Variants in ACOT11 observed in about 807,000 individuals in gnomAD.
ACOT11 encodes acyl-CoA thioesterase 11, also known as acyl-coenzyme A thioesterase 11.
Under a neutral mutation model 77.5 loss-of-function variants are expected in ACOT11, and 69 were observed. The observed-to-expected ratio is 0.89, with a 90% CI of 0.73 to 1.09. ACOT11 has a LOEUF of 1.09. Among genes scored for constraint, ACOT11 ranks in the 50% least tolerant of loss-of-function variants. The probability of loss-of-function intolerance (pLI) is 0.00; values close to 1 mark genes in which losing one functional copy is unlikely to be tolerated. For synonymous variants in ACOT11, 279 were observed against 313.0 expected (o/e 0.89, Z 1.15); for missense variants, 766 against 813.7 (o/e 0.94, Z 0.71).
At chr1:54,588,090 G>C (rs1407203908) in intron 3 of ACOT11, among the ~76,000 whole-genome samples, 1 of 152,006 alleles carries the variant, frequency 6.6e-6, no homozygotes, top group Non-Finnish European at 1.5e-5. Context: ...TGTGGTCCCA[G>C]CTACTTGGGA....
intron 8 of ACOT11, 72 bp from the exon 9 acceptor site, chr1:54,601,197 G>A (rs1643959029): frequency 6.5e-7 from 1 of 1,549,464 alleles, no homozygotes; most frequent in Non-Finnish European, 8.7e-7. Context: ...GTGTGTGAGT[G>A]TGTGTGTTGG....
chr1:54,553,328 C>T (rs1653139039), intron 1 of ACOT11, among the ~76,000 whole-genome samples: 1 of 151,272 alleles, frequency 6.6e-6, no homozygotes, highest in Non-Finnish European at 1.5e-5. Context: ...CCAGCCTGAC[C>T]AACATGGAGA....
intron 1 of ACOT11, among the ~76,000 whole-genome samples, chr1:54,562,084 C>CG (rs1419363689): frequency 2.0e-5 from 1 of 49,086 alleles, no homozygotes; most frequent in African/African-American, 1.5e-4. Flanking sequence ...GCTGGCCGGG[C>CG]GGGGGGCTGA....
intron 8 of ACOT11, 30 bp from the exon 9 acceptor site, chr1:54,601,239 C>T: frequency 6.2e-7 from 1 of 1,600,398 alleles, no homozygotes; most frequent in Non-Finnish European, 8.5e-7. Context: ...AAGGTCTGTC[C>T]AGGTTGGAAG....
Position 54,608,072 on chromosome 1 carries a change from A to G in ACOT11, c.1629+4A>G, listed in dbSNP as rs1169498028. 1 of 1,607,884 alleles carries G rather than the reference A, an allele frequency of 6.2e-7. No individual in the cohort carries two copies. The highest frequency in any genetic ancestry group is 8.5e-7 in the Non-Finnish European group (1 of 1,177,580). ...CGAGGGGGACCAGCTGACCAAGGTG[A>G]GGCCGGTCCCCCCAACCACGCCCCC... On this transcript the variant is annotated splice_donor_region_variant and intron_variant, in intron 15 of 15. Transcript: ENST00000343744.
intron 3 of ACOT11, among the ~76,000 whole-genome samples, chr1:54,588,669 C>G (rs1654591374): frequency 6.6e-6 from 1 of 152,148 alleles, no homozygotes; most frequent in Non-Finnish European, 1.5e-5. Context: ...TACTTTGAAG[C>G]CAGTGGAGCT....
chr1:54,634,782 AC>A (rs914161505), exon 17 of ACOT11: 5 of 697,778 alleles, frequency 7.2e-6, no homozygotes, highest in Non-Finnish European at 1.3e-5. Context: ...GATCCAGAGG[AC>A]CCCCTGGTTG....
intron 1 of ACOT11, among the ~76,000 whole-genome samples, chr1:54,568,746 A>T (rs1342362919): frequency 6.6e-6 from 1 of 151,712 alleles, no homozygotes; most frequent in Admixed American, 6.6e-5. Flanking sequence ...TTTATTTTTT[A>T]TTTTTATTTT....
chr1:54,580,256 A>G (rs1299237585), intron 1 of ACOT11, among the ~76,000 whole-genome samples: 2 of 152,168 alleles, frequency 1.3e-5, no homozygotes, highest in Non-Finnish European at 2.9e-5. Context: ...TCCAGAGGTC[A>G]CCCAGGCGTG....
chr1:54,611,302 G>A (rs906500215), downstream of ACOT11, among the ~76,000 whole-genome samples: 1 of 152,250 alleles, frequency 6.6e-6, no homozygotes, highest in South Asian at 2.1e-4. Flanking sequence ...GGGCATGGTG[G>A]CGCAGGAGAA....
At chr1:54,627,567 G>A (rs1381318234) in intron 15 of ACOT11, among the ~76,000 whole-genome samples, 1 of 135,450 alleles carries the variant, frequency 7.4e-6, no homozygotes, top group Non-Finnish European at 1.7e-5. Context: ...AGAAAGCAGG[G>A]GCTGTCAGGG....
At chr1:54,637,128 G>C in exon 17 of ACOT11, 1 of 152,110 alleles carries the variant, frequency 6.6e-6, no homozygotes, top group East Asian at 1.9e-4. Flanking sequence ...ATCTCTGTTG[G>C]GGGCTCTCAG....
rs1399369505 is a variant in ACOT11 at position 54,627,622 on chromosome 1, C to T, written c.1630-3112C>T. 3.7e-5 allele frequency among the ~76,000 whole-genome samples: 5 copies of T among 134,968 alleles called. 2 individuals are homozygous for T. The highest frequency in any genetic ancestry group is 5.0e-5 in the Non-Finnish European group (3 of 59,550). 88.5% of individuals were successfully genotyped at this position (134,968 alleles called of 152,430 possible). A position where few individuals can be genotyped will look rare whatever the true frequency, so the allele number is the denominator to read the frequency against. ...TGAAACAGCCATTTTATTAATAGAG[C>T]TGGTGCACATCAAAAACACAGAGCA... is the stretch of plus-strand genomic sequence containing the variant. On this transcript the variant is annotated intron_variant, in intron 15 of 16. Coordinates refer to the ACOT11 transcript ENST00000371316.
intron 1 of ACOT11, among the ~76,000 whole-genome samples, chr1:54,578,604 T>C (rs1654194673): frequency 6.6e-6 from 1 of 152,216 alleles, no homozygotes; most frequent in Non-Finnish European, 1.5e-5. Context: ...CTGGGATGCT[T>C]ACCAGGGCTT....
At chr1:54,616,560 C>T (rs1288599082) in intron 15 of ACOT11, among the ~76,000 whole-genome samples, 4 of 151,768 alleles carry the variant, frequency 2.6e-5, no homozygotes, top group Admixed American at 1.3e-4. Context: ...TTAGTGGAGA[C>T]GGGGTTTCAC....
chr1:54,612,433 G>A, downstream of ACOT11: 2 of 1,323,638 alleles, frequency 1.5e-6, no homozygotes, highest in Non-Finnish European at 2.2e-6. Flanking sequence ...CTGGGATCTT[G>A]CTGGGGGCAT....
At chr1:54,560,655 T>G (rs1653439178) in intron 1 of ACOT11, among the ~76,000 whole-genome samples, 1 of 151,930 alleles carries the variant, frequency 6.6e-6, no homozygotes, top group African/African-American at 2.4e-5. Context: ...TAGCTTCCCC[T>G]CTCAGCCTCC....
chr1:54,610,732 C>G, downstream of ACOT11: 1 of 980,368 alleles, frequency 1.0e-6, no homozygotes, highest in Non-Finnish European at 1.2e-6. Context: ...TGCCCAAGGT[C>G]TTATAAGCAG....
At position 54,609,186 on chromosome 1, in the gene ACOT11, A is replaced by G; in HGVS notation, c.*74A>G. 1 of 1,602,542 alleles carries G rather than the reference A, an allele frequency of 6.2e-7. No individual in the cohort carries two copies. The highest frequency in any genetic ancestry group is 1.3e-5 in the African/African-American group (1 of 74,684). On this transcript the variant is annotated 3_prime_UTR_variant, in exon 16 of 16. Coordinates refer to ENST00000343744, the MANE Select transcript of ACOT11 (RefSeq NM_147161.4). Reference sequence around the variant, plus strand: ...AAGGACTCACATACAGTGCCTGGAGAAAGCCAAAGACCTTTATTTCTTCCT... The same window carrying G: ...AAGGACTCACATACAGTGCCTGGAGGAAGCCAAAGACCTTTATTTCTTCCT...
Sources: allele counts gnomAD v4.1 joint callset (sites outside exome capture counted in the v4.1 genomes callset), GRCh38; gene constraint gnomAD v4.1.1; transcripts MANE v1.5; gene names NCBI Gene and HGNC (gene_info 2026-07-23, HGNC 2026-07-21).